NNT: variants seen among roughly 807,000 people sequenced by gnomAD.
NNT encodes the protein nicotinamide nucleotide transhydrogenase.
A neutral mutation model predicts 104.8 loss-of-function variants in NNT; 50 were observed. That is an observed-to-expected ratio of 0.48 (90% confidence interval 0.38 to 0.60). The LOEUF is 0.60. NNT is among the 20% of genes least tolerant of loss of function. The pLI, the probability that NNT is intolerant of heterozygous loss-of-function variation, is 0.00. For missense variants in NNT, 1,131 were observed against 1,330.7 expected (o/e 0.85, Z 2.33); for synonymous variants, 461 against 490.4 (o/e 0.94, Z 0.79).
intron 8 of NNT, 84 bp from the exon 9 acceptor site, chr5:43,644,527 G>T: frequency 1.6e-6 from 2 of 1,248,266 alleles, no homozygotes; most frequent in Admixed American, 2.6e-5. Flanking sequence ...ACAAAACTTA[G>T]CATTGAATAT....
chr5:43,649,100 G>T, intron 10 of NNT, 47 bp from the exon 11 acceptor site: 1 of 1,598,222 alleles, frequency 6.3e-7, no homozygotes, highest in South Asian at 1.1e-5. Context: ...ATCTTACTGA[G>T]ATAACTGGAT....
chr5:43,667,569 T>C (rs1247977469), intron 17 of NNT, among the ~76,000 whole-genome samples: 1 of 152,080 alleles, frequency 6.6e-6, no homozygotes, highest in Non-Finnish European at 1.5e-5. Flanking sequence ...TTTCCAGCTT[T>C]ATCCATGTCC....
intron 17 of NNT, among the ~76,000 whole-genome samples, chr5:43,662,641 C>G (rs921413786): frequency 6.6e-6 from 1 of 152,114 alleles, no homozygotes; most frequent in Non-Finnish European, 1.5e-5. Context: ...GCCTGTAATT[C>G]TAGCACTTTG....
At chr5:43,612,871 C>T (rs566086222) in intron 2 of NNT, 37 bp from the exon 3 acceptor site, 14 of 1,390,762 alleles carry the variant, frequency 1.0e-5, no homozygotes, top group Non-Finnish European at 1.3e-5. Flanking sequence ...TGTTTTTTTA[C>T]CAAATATATA....
chr5:43,692,904 A>G (rs1335117056), intron 19 of NNT, among the ~76,000 whole-genome samples: 2 of 152,124 alleles, frequency 1.3e-5, no homozygotes, highest in African/African-American at 4.8e-5. Flanking sequence ...CTTTAAAGCC[A>G]TGTGTTTGTG....
intron 19 of NNT, among the ~76,000 whole-genome samples, chr5:43,698,081 T>TATACACAC (rs546225803): frequency 6.7e-6 from 1 of 150,058 alleles, no homozygotes; most frequent in African/African-American, 2.4e-5. Flanking sequence ...TTTGGATATA[T>TATACACAC]ACACACACAC....
At chr5:43,687,334 T>A (rs1742040058) in intron 19 of NNT, among the ~76,000 whole-genome samples, 1 of 152,176 alleles carries the variant, frequency 6.6e-6, no homozygotes, top group Admixed American at 6.5e-5. Context: ...TGTTCATAGT[T>A]GAAAGAGAAG....
chr5:43,671,042 C>T (rs967024863), intron 17 of NNT, among the ~76,000 whole-genome samples: 9 of 152,120 alleles, frequency 5.9e-5, no homozygotes, highest in African/African-American at 2.2e-4. Flanking sequence ...ATGTAATGGC[C>T]TTCTTTGTCT....
At chr5:43,652,459 A>G (rs754914074) in intron 13 of NNT, among the ~76,000 whole-genome samples, 2 of 151,776 alleles carry the variant, frequency 1.3e-5, no homozygotes, top group East Asian at 1.9e-4. Flanking sequence ...TGTATTTTCT[A>G]TTTCTTTTCA....
intron 17 of NNT, among the ~76,000 whole-genome samples, chr5:43,671,918 C>A (rs1741119031): frequency 6.6e-6 from 1 of 152,198 alleles, no homozygotes; most frequent in Non-Finnish European, 1.5e-5. Context: ...CTTTCAGGTA[C>A]ACCAATGAGA....
At chr5:43,667,410 C>T (rs1462719868) in intron 17 of NNT, among the ~76,000 whole-genome samples, 2 of 152,132 alleles carry the variant, frequency 1.3e-5, no homozygotes, top group East Asian at 1.9e-4. Flanking sequence ...AATGCTATCC[C>T]TCCCCACTCC....
At chr5:43,671,594 GA>G (rs1561310016) in intron 17 of NNT, among the ~76,000 whole-genome samples, 1 of 152,188 alleles carries the variant, frequency 6.6e-6, no homozygotes, top group East Asian at 1.9e-4. Flanking sequence ...TTTTCTTTAA[GA>G]ATGTTGAATA....
chr5:43,659,479 C>A, intron 17 of NNT, 129 bp downstream of exon 17: 1 of 764,112 alleles, frequency 1.3e-6, no homozygotes, highest in Middle Eastern at 4.0e-4. Context: ...ACCTGTAATC[C>A]CAGCACTTTA....
chr5:43,700,075 T>C (rs757196424), intron 19 of NNT, 44 bp from the exon 20 acceptor site: 2 of 1,484,334 alleles, frequency 1.3e-6, no homozygotes, highest in Non-Finnish European at 1.9e-6. Flanking sequence ...CTGTACATTA[T>C]GTCCTGTCAA....
chr5:43,651,830 C>T lies in NNT; in HGVS notation c.1809C>T (p.Gly603=). ...EYNYLYLLPA[G]TFVGGYLAAL... is the part of the protein sequence containing the mutation. The stretch of plus-strand genomic sequence containing the variant: ...ACTACCTGTACCTGCTCCCTGCCGG[C>T]ACCTTTGTTGGTGGATATTTAGCTG... The change falls in exon 13 of 22, where the codon GGC becomes GGT. Residue 603 remains glycine, a synonymous_variant. Transcript: ENST00000344920. 6.2e-7 allele frequency: 1 copy of T among 1,614,140 alleles called. No individual in the cohort carries two copies. The highest frequency in any genetic ancestry group is 8.5e-7 in the Non-Finnish European group (1 of 1,180,022).
At position 43,603,839 on chromosome 5, in the gene NNT, G is replaced by T. The variant is rs141909110; in HGVS notation, c.-54+545G>T. Among the ~76,000 whole-genome samples the T allele has an allele frequency of 6.4e-3, 970 of 152,224 alleles. 2 individuals carry two copies. The highest frequency in any genetic ancestry group is 9.7e-3 in the Non-Finnish European group (659 of 68,000). The stretch of plus-strand genomic sequence containing the variant: ...AGGAGATTGCGAGCACAAATTGTGA[G>T]TGTGAGTTGGGGCGGTCTGGCGGTG... On this transcript the variant is annotated intron_variant, in intron 1 of 21. Coordinates refer to ENST00000344920, the MANE Select transcript of NNT (RefSeq NM_182977.3).
rs769884141 is a variant in NNT, at chr5:43,645,434, T to C, written c.1368T>C (p.Ala456=). ...QGAPVKQKTV[A]ELEAEKAATI... The stretch of plus-strand genomic sequence containing the variant: ...CCCCAGTAAAACAGAAGACAGTGGC[T>C]GAGCTGGAAGCTGAAAAAGCAGCTA... The change falls in exon 10 of 22, where the codon GCT becomes GCC. Residue 456 remains alanine (A), a synonymous_variant. Coordinates refer to ENST00000344920, the MANE Select transcript of NNT (RefSeq NM_182977.3). 16 of 1,574,790 alleles carry C rather than the reference T, an allele frequency of 1.0e-5. No individual in the cohort carries two copies. The South Asian group carries it at 1.9e-4, about 18-fold the overall frequency.
At chr5:43,681,689 C>T (rs748225212) in intron 19 of NNT, among the ~76,000 whole-genome samples, 3 of 152,158 alleles carry the variant, frequency 2.0e-5, no homozygotes, top group East Asian at 1.9e-4. Context: ...CGTGAGCCAC[C>T]GCACCCGGCC....
chr5:43,649,976 G>A (rs1260387061), intron 11 of NNT, among the ~76,000 whole-genome samples: 2 of 152,186 alleles, frequency 1.3e-5, no homozygotes, highest in Non-Finnish European at 2.9e-5. Context: ...ATTGCCATAG[G>A]CACAGCTTCG....
Sources: gnomAD v4.1 joint callset for allele counts (sites outside exome capture counted in the v4.1 genomes callset) on GRCh38, gnomAD v4.1.1 for gene constraint, MANE v1.5 for transcripts, NCBI Gene and HGNC (gene_info 2026-07-23, HGNC 2026-07-21) for gene names.